Variants in BMPR1B observed in about 807,000 individuals in gnomAD.
BMPR1B encodes bone morphogenetic protein receptor type 1B, also known as bone morphogenetic protein receptor type-1B.
BMPR1B carries 12 observed loss-of-function variants against 59.1 expected under a neutral mutation model. The observed-to-expected ratio is 0.20, with a 90% CI of 0.13 to 0.33. The LOEUF (loss-of-function observed/expected upper bound fraction) is 0.33, where lower values mean the gene tolerates loss of function less well. Among genes scored for constraint, BMPR1B ranks in the 10% least tolerant of loss-of-function variants. The probability of loss-of-function intolerance (pLI) is 1.00; values close to 1 mark genes in which losing one functional copy is unlikely to be tolerated. For synonymous variants in BMPR1B, 237 were observed against 207.3 expected, an observed-to-expected ratio of 1.14 and a Z score of -1.23; for missense variants, 550 against 610.9, an observed-to-expected ratio of 0.90 and a Z score of 1.05.
At position 94,873,703 on chromosome 4, in the gene BMPR1B, C is replaced by T. The variant is rs528208698; in HGVS notation, c.-182-2128C>T. Among the ~76,000 whole-genome samples, 10 of 152,278 alleles carry T rather than the reference C, an allele frequency of 6.6e-5. No individual in the cohort carries two copies. In the South Asian group the frequency reaches 1.0e-3, roughly 16 times the overall value. On this transcript the variant is annotated intron_variant, in intron 1 of 12. Transcript: ENST00000515059. ...GATTACAGGCGTGAGCTGCCGTGCC[C>T]GGCCCGACCATGAATTCTTACTTCT...
At chr4:94,939,217 A>C (rs1729425332) in intron 2 of BMPR1B, among the ~76,000 whole-genome samples, 1 of 152,086 alleles carries the variant, frequency 6.6e-6, no homozygotes, top group Non-Finnish European at 1.5e-5. Flanking sequence ...ATTCCTATGG[A>C]GATTCTGTAT....
chr4:94,851,940 A>G (rs1266760514), intron 1 of BMPR1B, among the ~76,000 whole-genome samples: 1 of 152,172 alleles, frequency 6.6e-6, no homozygotes, highest in African/African-American at 2.4e-5. Context: ...GCCTGGCATA[A>G]TGTAGGCTCA....
chr4:94,801,999 T>G (rs969979709), intron 1 of BMPR1B, among the ~76,000 whole-genome samples: 6 of 152,268 alleles, frequency 3.9e-5, no homozygotes, highest in African/African-American at 1.2e-4. Context: ...TATTTCACTT[T>G]ATATTTTATA....
At chr4:94,916,519 C>G (rs900429847) in intron 2 of BMPR1B, among the ~76,000 whole-genome samples, 12 of 152,124 alleles carry the variant, frequency 7.9e-5, no homozygotes, top group Non-Finnish European at 1.6e-4. Flanking sequence ...GAGTGATGAC[C>G]TAGGGTATCT....
At chr4:95,124,810 A>C (rs190190203) in intron 7 of BMPR1B, among the ~76,000 whole-genome samples, 173 bp from the exon 8 acceptor site, 1 of 152,306 alleles carries the variant, frequency 6.6e-6, no homozygotes. Context: ...GGTTAGCCAA[A>C]CAGTAATGAG....
At chr4:95,115,936 G>GAA (rs1731996602) in intron 6 of BMPR1B, 149 bp downstream of exon 6, 2 of 723,482 alleles carry the variant, frequency 2.8e-6, no homozygotes, top group Non-Finnish European at 4.8e-6. Flanking sequence ...ACCATCATTC[G>GAA]AAGACATGTG....
chr4:95,138,764 A>G lies in BMPR1B; in HGVS notation c.1076+7252A>G, dbSNP rs571052058. On this transcript the variant is annotated intron_variant, in intron 10 of 12. Transcript: ENST00000515059. ...CCATGGTTTTCAGCTCCATCAAGTCATTTAAGATCTTCTCCATGCTGTTTA... is the reference window on the plus strand; with the variant it reads ...CCATGGTTTTCAGCTCCATCAAGTCGTTTAAGATCTTCTCCATGCTGTTTA... Among the ~76,000 whole-genome samples the G allele has an allele frequency of 6.6e-5, 10 of 152,310 alleles. No individual in the cohort carries two copies. The East Asian group carries it at 1.9e-3, about 29-fold the overall frequency.
intron 2 of BMPR1B, among the ~76,000 whole-genome samples, chr4:94,913,438 C>A (rs17022555): frequency 1.3e-5 from 2 of 152,070 alleles, no homozygotes; most frequent in South Asian, 2.1e-4. Flanking sequence ...GAAACTATTG[C>A]GGTAAACAGG....
intron 1 of BMPR1B, among the ~76,000 whole-genome samples, chr4:94,807,844 C>G (rs375376262): frequency 5.9e-5 from 9 of 152,156 alleles, no homozygotes; most frequent in Non-Finnish European, 1.2e-4. Flanking sequence ...GCCACCATGC[C>G]TGGCCAATTT....
At position 95,007,255 on chromosome 4, in the gene BMPR1B, T is replaced by G. The variant is rs111254357; in HGVS notation, c.-18+11121T>G. On this transcript the variant is annotated intron_variant, in intron 3 of 12. Transcript: ENST00000515059. ...TAATTTCAGTTAACCTCTAATAGAC[T>G]TTTTCATTAGTAATATCACACTATG... 2.5e-3 allele frequency among the ~76,000 whole-genome samples: 377 copies of G among 152,288 alleles called. 2 individuals are homozygous for G. The highest frequency in any genetic ancestry group is 8.3e-3 in the African/African-American group (345 of 41,572).
chr4:95,018,132 T>C (rs1560598358), intron 3 of BMPR1B, among the ~76,000 whole-genome samples: 1 of 152,194 alleles, frequency 6.6e-6, no homozygotes. Flanking sequence ...TATAAAATAA[T>C]TATTAAAGAA....
intron 1 of BMPR1B, among the ~76,000 whole-genome samples, chr4:94,768,696 A>G (rs2110566674): frequency 6.6e-6 from 1 of 150,644 alleles, no homozygotes; most frequent in South Asian, 2.1e-4. Flanking sequence ...ATGATTTGGT[A>G]TTTTGTAGGC....
chr4:95,042,193 G>A (rs937989178), intron 3 of BMPR1B, among the ~76,000 whole-genome samples: 2 of 152,268 alleles, frequency 1.3e-5, no homozygotes, highest in Non-Finnish European at 2.9e-5. Flanking sequence ...AATACGGTAA[G>A]TGGAAAATTC....
In BMPR1B at chr4:94,796,067, C is replaced by G. The variant is rs376838833; in HGVS notation, c.-183+37999C>G. Among the ~76,000 whole-genome samples the G allele has an allele frequency of 4.6e-5, 7 of 151,626 alleles. No individual in the cohort carries two copies. In the East Asian group the frequency reaches 1.4e-3, roughly 29 times the overall value. On this transcript the variant is annotated intron_variant, in intron 1 of 12. Coordinates refer to ENST00000515059, the MANE Select transcript of BMPR1B (RefSeq NM_001203.3). ...GCAACCTCTACCTCCTGGGTTCAAG[C>G]GATTCTACTGCCTCAGCCTCCTGAG... is the stretch of plus-strand genomic sequence containing the variant.
intron 12 of BMPR1B, 80 bp from the exon 13 acceptor site, chr4:95,154,464 TAATG>T (rs1208866449): frequency 1.5e-5 from 23 of 1,579,584 alleles, no homozygotes; most frequent in Admixed American, 6.7e-5. Flanking sequence ...TATTCAAACT[TAATG>T]AACCTAAAAC....
intron 2 of BMPR1B, among the ~76,000 whole-genome samples, chr4:94,962,089 T>C (rs1730384940): frequency 7.5e-6 from 1 of 133,104 alleles, no homozygotes; most frequent in Non-Finnish European, 1.5e-5. Context: ...CCTTCCTTCC[T>C]TCCTTCCTTC....
At chr4:95,109,108 T>G (rs1731418926) in intron 4 of BMPR1B, among the ~76,000 whole-genome samples, 1 of 152,122 alleles carries the variant, frequency 6.6e-6, no homozygotes, top group Non-Finnish European at 1.5e-5. Flanking sequence ...TTACCACCTT[T>G]CTCAAGTCCC....
intron 3 of BMPR1B, among the ~76,000 whole-genome samples, chr4:95,026,126 C>CTT (rs1724377266): frequency 1.2e-5 from 1 of 84,886 alleles, no homozygotes; most frequent in East Asian, 2.7e-4. Flanking sequence ...TTCTTTCTTT[C>CTT]TTTCTTTCTT....
chr4:95,095,872 A>T (rs1730333881), intron 3 of BMPR1B, among the ~76,000 whole-genome samples: 1 of 151,846 alleles, frequency 6.6e-6, no homozygotes, highest in South Asian at 2.1e-4. Flanking sequence ...CAAATTAAAA[A>T]TTTTTTATTT....
Sources: gnomAD v4.1 joint callset for allele counts (sites outside exome capture counted in the v4.1 genomes callset) on GRCh38, gnomAD v4.1.1 for gene constraint, MANE v1.5 for transcripts, NCBI Gene and HGNC (gene_info 2026-07-23, HGNC 2026-07-21) for gene names.